Variants in ATRX observed in about 807,000 individuals in gnomAD.
The protein encoded by ATRX is ATRX chromatin remodeler.
In ATRX, 12 loss-of-function variants were observed where a neutral mutation model predicts 172.6. That is an observed-to-expected ratio of 0.07 (90% confidence interval 0.04 to 0.11). The LOEUF (loss-of-function observed/expected upper bound fraction) is 0.11, where lower values mean the gene tolerates loss of function less well. Among genes scored for constraint, ATRX ranks in the 10% least tolerant of loss-of-function variants. The pLI is 1.00. For synonymous variants in ATRX, 674 were observed against 594.7 expected (o/e 1.13, Z -1.94); for missense variants, 1,368 against 1,767.4 (o/e 0.77, Z 4.05).
Position 77,577,079 on chromosome X carries a change from G to A in ATRX, c.6218-2721C>T, listed in dbSNP as rs782015619. 1.3e-4 allele frequency among the ~76,000 whole-genome samples: 15 copies of A among 111,643 alleles called. No homozygotes were observed. In the East Asian group the frequency reaches 2.5e-3, roughly 19 times the overall value. On this transcript the variant is annotated intron_variant, in intron 27 of 34. Coordinates refer to ENST00000373344, the MANE Select transcript of ATRX (RefSeq NM_000489.6). ...TGAATAATGCTGCTATAATGTGGGC[G>A]TACAAATACAAATACTTCTCTGACA...
chrX:77,724,317 C>T (rs782401646), intron 1 of ATRX, among the ~76,000 whole-genome samples: 3 of 102,070 alleles, frequency 2.9e-5, no homozygotes, highest in Non-Finnish European at 6.0e-5. Context: ...GACAGAAGTC[C>T]AACAGTGGAA....
chrX:77,507,184 T>TA lies in ATRX; in HGVS notation c.*1166dup, dbSNP rs1188477581. ...TTAATAATTGCCTCACAATCTAAACTAAAAAAAAAACAAACTCTGAAACAA... is the reference window on the plus strand; with the variant it reads ...TTAATAATTGCCTCACAATCTAAACTAAAAAAAAAAACAAACTCTGAAACAA... On this transcript the variant is annotated 3_prime_UTR_variant, in exon 35 of 35. Coordinates refer to ENST00000373344, the MANE Select transcript of ATRX (RefSeq NM_000489.6). 935 of 147,587 alleles carry TA rather than the reference T, an allele frequency of 6.3e-3. No individual in the cohort carries two copies. The highest frequency in any genetic ancestry group is 7.3e-3 in the African/African-American group (219 of 30,144). The allele number at this position is 147,587 out of a possible 1,213,427, so 12.2% of individuals were successfully genotyped here. A position where few individuals can be genotyped will look rare whatever the true frequency, so the allele number is the denominator to read the frequency against.
chrX:77,534,777 TAAGTTA>T (rs2063695302), intron 30 of ATRX, among the ~76,000 whole-genome samples: 1 of 111,998 alleles, frequency 8.9e-6, no homozygotes, highest in Admixed American at 9.5e-5. Context: ...ATTATAAGTT[TAAGTTA>T]ATTTACTTAG....
intron 1 of ATRX, among the ~76,000 whole-genome samples, chrX:77,767,834 G>C (rs782075778): frequency 3.6e-5 from 4 of 111,840 alleles, no homozygotes; most frequent in Non-Finnish European, 5.6e-5. Context: ...ATCACTTAAG[G>C]ATTCCCAACC....
chrX:77,648,741 T>A (rs2069053376), intron 15 of ATRX, among the ~76,000 whole-genome samples: 1 of 108,965 alleles, frequency 9.2e-6, no homozygotes, highest in African/African-American at 3.3e-5. Context: ...CTACAAAGTA[T>A]AATGAAAGAC....
intron 3 of ATRX, 42 bp from the exon 4 acceptor site, chrX:77,697,677 A>G: frequency 8.9e-7 from 1 of 1,126,765 alleles, no homozygotes; most frequent in Non-Finnish European, 1.2e-6. Flanking sequence ...AAAATTCTCG[A>G]AACGGCATCC....
At chrX:77,745,437 C>A (rs1316457811) in intron 1 of ATRX, among the ~76,000 whole-genome samples, 1 of 111,352 alleles carries the variant, frequency 9.0e-6, no homozygotes, top group Non-Finnish European at 1.9e-5. Flanking sequence ...GTCATTGCAA[C>A]AACATGGATG....
At chrX:77,717,443 G>A (rs1238366266) in intron 1 of ATRX, among the ~76,000 whole-genome samples, 200 bp from the exon 2 acceptor site, 1 of 110,157 alleles carries the variant, frequency 9.1e-6, no homozygotes, top group Non-Finnish European at 1.9e-5. Context: ...TAGGCCAGGT[G>A]TGGTGGCTCA....
At chrX:77,706,314 A>T (rs1265631438) in intron 2 of ATRX, among the ~76,000 whole-genome samples, 2 of 110,595 alleles carry the variant, frequency 1.8e-5, no homozygotes, top group African/African-American at 6.6e-5. Context: ...GGGTGGCAAG[A>T]CCATTCAATG....
chrX:77,691,603 G>A (rs191279463), intron 6 of ATRX, among the ~76,000 whole-genome samples: 13 of 111,226 alleles, frequency 1.2e-4, no homozygotes, highest in Non-Finnish European at 1.9e-4. Flanking sequence ...AACTTTAACC[G>A]TATCTTTGTG....
At chrX:77,571,175 C>A (rs1241191147) in intron 28 of ATRX, among the ~76,000 whole-genome samples, 1 of 111,806 alleles carries the variant, frequency 8.9e-6, no homozygotes, top group Non-Finnish European at 1.9e-5. Flanking sequence ...AAAGTACTTA[C>A]CATATGACCT....
chrX:77,757,846 A>G (rs1303277155), intron 1 of ATRX, among the ~76,000 whole-genome samples: 5 of 108,192 alleles, frequency 4.6e-5, no homozygotes, highest in Non-Finnish European at 9.6e-5. Context: ...TAATTTTTGT[A>G]TTTTTAGTAG....
At chrX:77,771,070 T>G (rs1315492689) in intron 1 of ATRX, among the ~76,000 whole-genome samples, 1 of 111,950 alleles carries the variant, frequency 8.9e-6, no homozygotes, top group Non-Finnish European at 1.9e-5. Context: ...ATGAAACATT[T>G]TAGCATAGCA....
chrX:77,662,823 G>A (rs2069992415), intron 12 of ATRX, among the ~76,000 whole-genome samples: 1 of 111,102 alleles, frequency 9.0e-6, no homozygotes, highest in Non-Finnish European at 1.9e-5. Context: ...AGCCTCCAGA[G>A]TAGCTGGGAC....
chrX:77,610,955 A>T (rs1167313231), intron 22 of ATRX, among the ~76,000 whole-genome samples: 4 of 107,544 alleles, frequency 3.7e-5, no homozygotes, highest in South Asian at 3.9e-4. Flanking sequence ...TAAATAAATA[A>T]ATATATATAT....
At chrX:77,633,459 T>C (rs2068203143) in intron 18 of ATRX, 75 bp from the exon 19 acceptor site, 13 of 1,113,630 alleles carry the variant, frequency 1.2e-5, no homozygotes, top group Non-Finnish European at 6.1e-6. Context: ...CACTGAAATA[T>C]GCATCACTGG....
At chrX:77,528,486 G>T (rs782467986) in intron 30 of ATRX, among the ~76,000 whole-genome samples, 1 of 111,155 alleles carries the variant, frequency 9.0e-6, no homozygotes, top group East Asian at 2.8e-4. Flanking sequence ...GCCGCCTCCT[G>T]CAAGTGCTGG....
chrX:77,588,745 A>C (rs909166357), intron 27 of ATRX, among the ~76,000 whole-genome samples: 2 of 112,219 alleles, frequency 1.8e-5, no homozygotes, highest in African/African-American at 6.5e-5. Context: ...AGTATGTAGA[A>C]TATATTTTTT....
intron 12 of ATRX, 147 bp downstream of exon 12, chrX:77,663,235 T>C: frequency 3.4e-6 from 2 of 582,494 alleles, no homozygotes; most frequent in Admixed American, 5.8e-5. Flanking sequence ...TTCATAAAGA[T>C]GAGGTTTCCC....
Sources: allele counts gnomAD v4.1 joint callset (sites outside exome capture counted in the v4.1 genomes callset), GRCh38; gene constraint gnomAD v4.1.1; transcripts MANE v1.5; gene names NCBI Gene and HGNC (gene_info 2026-07-23, HGNC 2026-07-21).